Variants in COL21A1 observed in about 807,000 individuals in gnomAD.
COL21A1 encodes the protein collagen type XXI alpha 1 chain.
COL21A1 carries 149 observed loss-of-function variants against 137.9 expected under a neutral mutation model. The ratio of observed to expected loss-of-function variants is 1.08; its 90% CI spans 0.95 to 1.24. The LOEUF (loss-of-function observed/expected upper bound fraction) is 1.24. Among genes scored for constraint, COL21A1 ranks in the 50% most tolerant of loss-of-function variants. COL21A1 has a pLI of 0.00. For synonymous variants in COL21A1, 456 were observed against 391.5 expected (o/e 1.16, Z -1.95); for missense variants, 1,167 against 1,158.4 (o/e 1.01, Z -0.11).
At chr6:56,337,956 CTTTTCTTT>C (rs1407530780) in intron 1 of COL21A1, among the ~76,000 whole-genome samples, 4 of 117,696 alleles carry the variant, frequency 3.4e-5, no homozygotes, top group Admixed American at 1.8e-4. Flanking sequence ...CTTTTCTTTT[CTTTTCTTT>C]TTTTTTTTTT....
At chr6:56,202,232 G>A (rs1779459415) in intron 1 of COL21A1, among the ~76,000 whole-genome samples, 1 of 152,102 alleles carries the variant, frequency 6.6e-6, no homozygotes, top group Non-Finnish European at 1.5e-5. Context: ...AGGGGTAAAG[G>A]CATCATAGAT....
intron 1 of COL21A1, among the ~76,000 whole-genome samples, chr6:56,370,728 C>T (rs1164967256): frequency 6.6e-6 from 1 of 152,122 alleles, no homozygotes; most frequent in African/African-American, 2.4e-5. Context: ...TTTCCATTCT[C>T]TAATATTTCT....
At position 56,141,808 on chromosome 6, in the gene COL21A1, C is replaced by T. The variant is rs774392482; in HGVS notation, c.1519G>A (p.Glu507Lys). The T allele has an allele frequency of 3.1e-6, 5 of 1,613,690 alleles. No homozygotes were observed. Among genetic ancestry groups the T allele is most frequent in the East Asian group, 2.2e-5 (1 of 44,866 alleles). ...GARGLPGYKG[E>K]PGRDGDKGDR... is the part of the protein sequence containing the mutation. Reference sequence around the variant, plus strand: ...ACCTTGTCACCATCTCGCCCTGGTTCTCCTTTGTAACCTGGTAGTCCTCGA... The same window carrying T: ...ACCTTGTCACCATCTCGCCCTGGTTTTCCTTTGTAACCTGGTAGTCCTCGA... The change falls in exon 12 of 30, where the codon GAA becomes AAA. Residue 507 changes from glutamate (E) to lysine (K), a missense_variant. Transcript: ENST00000244728.
chr6:56,272,943 G>A (rs1763562386), intron 1 of COL21A1, among the ~76,000 whole-genome samples: 1 of 152,044 alleles, frequency 6.6e-6, no homozygotes, highest in Non-Finnish European at 1.5e-5. Flanking sequence ...GTGTGAAAAT[G>A]GACTAATACA....
At chr6:56,205,853 G>T (rs9475626) in intron 1 of COL21A1, among the ~76,000 whole-genome samples, 3,320 of 152,246 alleles carry the variant, frequency 0.022, 121 homozygotes, top group African/African-American at 0.076. Context: ...AAAAGAATTT[G>T]CAACGCAGAA....
At chr6:56,219,666 T>C (rs1319489221) in intron 1 of COL21A1, among the ~76,000 whole-genome samples, 1 of 152,156 alleles carries the variant, frequency 6.6e-6, no homozygotes, top group Non-Finnish European at 1.5e-5. Context: ...TATTATTATA[T>C]CCTGACGATG....
At position 56,075,528 on chromosome 6, in the gene COL21A1, T is replaced by TC. The variant is rs1767157395; in HGVS notation, c.1861dup (p.Glu621GlyfsTer35). On this transcript the variant is annotated frameshift_variant, in exon 19 of 30. Transcript: ENST00000244728. LOFTEE classifies it high-confidence loss of function. The stretch of plus-strand genomic sequence containing the variant: ...TCCTTGCTGTCCTGGAGGCCCAATT[T>TC]CTCCCTAAAAAAATCAAACATTAAA... 9.2e-6 allele frequency: 14 copies of TC among 1,517,932 alleles called. No individual in the cohort carries two copies. The highest frequency in any genetic ancestry group is 1.2e-5 in the Non-Finnish European group (14 of 1,134,376). 94.0% of individuals were successfully genotyped at this position (1,517,932 alleles called of 1,614,324 possible). A position where few individuals can be genotyped will look rare whatever the true frequency, so the allele number is the denominator to read the frequency against.
At chr6:56,113,452 C>T (rs952242622) in intron 16 of COL21A1, among the ~76,000 whole-genome samples, 3 of 150,772 alleles carry the variant, frequency 2.0e-5, no homozygotes, top group African/African-American at 7.3e-5. Context: ...CATTTCTAGA[C>T]ACACCCTGGG....
chr6:56,157,676 A>C (rs1775862013), intron 9 of COL21A1, among the ~76,000 whole-genome samples: 1 of 152,170 alleles, frequency 6.6e-6, no homozygotes, highest in Non-Finnish European at 1.5e-5. Context: ...ACTCATATTT[A>C]TTTTAAAAAT....
chr6:56,376,582 A>G (rs958961907), intron 1 of COL21A1, among the ~76,000 whole-genome samples: 1 of 152,158 alleles, frequency 6.6e-6, no homozygotes, highest in African/African-American at 2.4e-5. Context: ...AAGAAACTTC[A>G]TCCTTCATCT....
At chr6:56,069,154 TACTGC>T in intron 21 of COL21A1, 37 bp from the exon 22 acceptor site, 1 of 1,399,426 alleles carries the variant, frequency 7.1e-7, no homozygotes, top group Non-Finnish European at 9.9e-7. Context: ...ATCACAGATC[TACTGC>T]TTATGAAAAG....
intron 1 of COL21A1, among the ~76,000 whole-genome samples, chr6:56,275,920 T>A (rs1041438640): frequency 1.3e-5 from 2 of 152,182 alleles, no homozygotes; most frequent in African/African-American, 4.8e-5. Flanking sequence ...TATACATGTA[T>A]GTGTATGTTC....
rs1772798742 is a variant in COL21A1, at chr6:56,124,083, T to C, written c.1737A>G (p.Leu579=). Residue 579 remains leucine (L), a synonymous_variant, in exon 16 of 30, where the codon TTA becomes TTG. Transcript: ENST00000244728. ...GEPGRHGKDG[L]MGSPGFKGEA... ...ATACCTTGAAACCGGGACTACCCATTAATCCATCCTTTCCATGTCTTCCTG... is the reference window on the plus strand; with the variant it reads ...ATACCTTGAAACCGGGACTACCCATCAATCCATCCTTTCCATGTCTTCCTG... 3 of 1,531,456 alleles carry C rather than the reference T, an allele frequency of 2.0e-6. No individual in the cohort carries two copies. In the Admixed American group the frequency reaches 6.4e-5, roughly 33 times the overall value. 94.9% of individuals were successfully genotyped at this position (1,531,456 alleles called of 1,614,324 possible). A position where few individuals can be genotyped will look rare whatever the true frequency, so the allele number is the denominator to read the frequency against.
intron 10 of COL21A1, among the ~76,000 whole-genome samples, chr6:56,150,270 A>AG: frequency 6.6e-6 from 1 of 151,800 alleles, no homozygotes; most frequent in Middle Eastern, 3.4e-3. Flanking sequence ...CTGTAATCCC[A>AG]CTCTTTGGGA....
At chr6:56,109,126 G>A (rs1484390984) in intron 16 of COL21A1, among the ~76,000 whole-genome samples, 1 of 151,226 alleles carries the variant, frequency 6.6e-6, no homozygotes, top group African/African-American at 2.4e-5. Flanking sequence ...AACAAAAAAC[G>A]AATGTAAATG....
At chr6:56,083,961 AAAAT>A (rs1768004836) in intron 17 of COL21A1, among the ~76,000 whole-genome samples, 1 of 151,958 alleles carries the variant, frequency 6.6e-6, no homozygotes, top group African/African-American at 2.4e-5. Flanking sequence ...AAAAACACAC[AAAAT>A]CATCTCAAAA....
In COL21A1 at chr6:56,164,462, A is replaced by G; in HGVS notation, c.1332T>C (p.Cys444=). 6.3e-7 allele frequency: 1 copy of G among 1,590,918 alleles called. No homozygotes were observed. The highest frequency in any genetic ancestry group is 8.6e-7 in the Non-Finnish European group (1 of 1,167,594). ...PSDVGSTPAP[C]ICPPGKPGLQ... ...GTCCTGGTTTTCCCGGAGGACAAAT[A>G]CAGGGAGCTGGAGTTGAACCTACAT... The change falls in exon 9 of 30, where the codon TGT becomes TGC. Residue 444 remains cysteine, a synonymous_variant. Coordinates refer to ENST00000244728, the MANE Select transcript of COL21A1 (RefSeq NM_030820.4).
chr6:56,069,152 T>C, intron 21 of COL21A1, 35 bp from the exon 22 acceptor site: 1 of 1,413,242 alleles, frequency 7.1e-7, no homozygotes. Context: ...AGATCACAGA[T>C]CTACTGCTTA....
At chr6:56,175,405 C>G (rs1326316774) in intron 3 of COL21A1, among the ~76,000 whole-genome samples, 5 of 151,786 alleles carry the variant, frequency 3.3e-5, no homozygotes, top group African/African-American at 1.2e-4. Context: ...ATAAAAGACT[C>G]CATGCCAAAA....
Sources: allele counts gnomAD v4.1 joint callset (sites outside exome capture counted in the v4.1 genomes callset), GRCh38; gene constraint gnomAD v4.1.1; transcripts MANE v1.5; gene names NCBI Gene and HGNC (gene_info 2026-07-23, HGNC 2026-07-21).